The following GPC5 variants were observed in gnomAD, a reference collection of about 807,000 sequenced individuals.
The protein encoded by GPC5 is glypican-5.
GPC5 carries 47 observed loss-of-function variants against 53.9 expected under a neutral mutation model. The observed-to-expected ratio is 0.87, with a 90% CI of 0.69 to 1.11. GPC5 has a LOEUF of 1.11. GPC5 is among the 50% of genes most tolerant of loss of function. GPC5 has a pLI of 0.00. For missense variants in GPC5, 748 were observed against 713.1 expected, an observed-to-expected ratio of 1.05 and a Z score of -0.56; for synonymous variants, 286 against 263.3, an observed-to-expected ratio of 1.09 and a Z score of -0.84.
chr13:92,222,643 T>G (rs533472154), intron 7 of GPC5, among the ~76,000 whole-genome samples: 6 of 152,018 alleles, frequency 3.9e-5, no homozygotes, highest in Non-Finnish European at 8.8e-5. Context: ...TTCTTTGGGG[T>G]GTGTGTGTGG....
intron 7 of GPC5, among the ~76,000 whole-genome samples, chr13:92,478,137 T>C (rs1879221586): frequency 6.6e-6 from 1 of 152,202 alleles, no homozygotes; most frequent in African/African-American, 2.4e-5. Flanking sequence ...TTGTTCAGTA[T>C]TTTGATTTTT....
intron 6 of GPC5, among the ~76,000 whole-genome samples, chr13:92,072,569 ATTTT>A (rs34169387): frequency 3.6e-4 from 37 of 103,966 alleles, no homozygotes; most frequent in African/African-American, 9.3e-4. Flanking sequence ...TGGCCACTAA[ATTTT>A]TTTTTTTTTT....
At chr13:91,519,479 T>C (rs1481258850) in intron 2 of GPC5, among the ~76,000 whole-genome samples, 1 of 152,142 alleles carries the variant, frequency 6.6e-6, no homozygotes. Flanking sequence ...GAGTGAGTTC[T>C]CTTGAGATCC....
chr13:92,295,611 G>A (rs2043028982), intron 7 of GPC5, among the ~76,000 whole-genome samples: 1 of 152,112 alleles, frequency 6.6e-6, no homozygotes, highest in African/African-American at 2.4e-5. Context: ...AGATCTATTA[G>A]TAATTGTTTT....
At chr13:91,595,022 ATT>A (rs1470230870) in intron 2 of GPC5, among the ~76,000 whole-genome samples, 4 of 139,984 alleles carry the variant, frequency 2.9e-5, no homozygotes, top group Admixed American at 7.3e-5. Flanking sequence ...TTATTTATTT[ATT>A]TATTTATTTA....
At chr13:92,411,269 CA>C (rs1876031713) in intron 7 of GPC5, among the ~76,000 whole-genome samples, 1 of 151,626 alleles carries the variant, frequency 6.6e-6, no homozygotes, top group Non-Finnish European at 1.5e-5. Flanking sequence ...GACTCTATCT[CA>C]AAAAGATAAA....
chr13:92,234,614 T>C (rs2042556571), intron 7 of GPC5, among the ~76,000 whole-genome samples: 1 of 151,430 alleles, frequency 6.6e-6, no homozygotes, highest in Admixed American at 6.6e-5. Flanking sequence ...CTAGGAGATA[T>C]ATGGCGGTGG....
intron 6 of GPC5, among the ~76,000 whole-genome samples, chr13:92,021,336 A>G (rs1351318412): frequency 6.6e-6 from 1 of 152,232 alleles, no homozygotes; most frequent in African/African-American, 2.4e-5. Context: ...AGCATGGATG[A>G]GCCTAGAGGA....
intron 4 of GPC5, among the ~76,000 whole-genome samples, chr13:91,755,065 A>C (rs1335901881): frequency 6.6e-6 from 1 of 152,262 alleles, no homozygotes; most frequent in East Asian, 1.9e-4. Context: ...ACAAATAGTT[A>C]TTTAAAAACC....
chr13:92,171,720 T>A (rs2042071902), intron 7 of GPC5, among the ~76,000 whole-genome samples: 1 of 152,206 alleles, frequency 6.6e-6, no homozygotes, highest in Non-Finnish European at 1.5e-5. Context: ...CTCTGTATTT[T>A]TCCTGAGTGA....
At chr13:91,839,706 T>C (rs1040089546) in intron 5 of GPC5, among the ~76,000 whole-genome samples, 1 of 152,112 alleles carries the variant, frequency 6.6e-6, no homozygotes, top group African/African-American at 2.4e-5. Flanking sequence ...TCCTACTGTG[T>C]TGGCCTGGGG....
intron 2 of GPC5, among the ~76,000 whole-genome samples, chr13:91,628,432 A>G (rs2034066538): frequency 6.6e-6 from 1 of 152,140 alleles, no homozygotes; most frequent in East Asian, 1.9e-4. Flanking sequence ...GGTAGATCAT[A>G]CATATCATGT....
chr13:92,004,482 AT>A (rs2040587745), intron 6 of GPC5, among the ~76,000 whole-genome samples: 5 of 135,438 alleles, frequency 3.7e-5, no homozygotes, highest in African/African-American at 1.4e-4. Flanking sequence ...ATATATATAT[AT>A]ATATATAATT....
intron 7 of GPC5, among the ~76,000 whole-genome samples, chr13:92,684,360 T>A (rs1475503490): frequency 6.6e-6 from 1 of 152,096 alleles, no homozygotes; most frequent in African/African-American, 2.4e-5. Context: ...AACCTCCACC[T>A]CCTGGGCTCA....
chr13:91,494,580 T>A (rs1006457291), intron 2 of GPC5, among the ~76,000 whole-genome samples: 4 of 152,244 alleles, frequency 2.6e-5, no homozygotes, highest in East Asian at 3.9e-4. Context: ...TGCAACAGAC[T>A]TTCACCTGTG....
chr13:92,845,720 T>C (rs1878591217), intron 7 of GPC5, among the ~76,000 whole-genome samples: 1 of 152,162 alleles, frequency 6.6e-6, no homozygotes, highest in African/African-American at 2.4e-5. Flanking sequence ...ACACTATCTA[T>C]ACCGATTTAC....
At chr13:92,321,683 G>A (rs1223214445) in intron 7 of GPC5, among the ~76,000 whole-genome samples, 1 of 152,080 alleles carries the variant, frequency 6.6e-6, no homozygotes, top group African/African-American at 2.4e-5. Context: ...TTATTGATGG[G>A]AAAAACATCC....
At chr13:91,612,290 C>T (rs924534730) in intron 2 of GPC5, among the ~76,000 whole-genome samples, 17 of 152,192 alleles carry the variant, frequency 1.1e-4, no homozygotes, top group African/African-American at 4.1e-4. Flanking sequence ...ACTCTTCATA[C>T]ATTAATGCTA....
At chr13:92,603,535 G>A (rs1035180118) in intron 7 of GPC5, among the ~76,000 whole-genome samples, 1 of 152,168 alleles carries the variant, frequency 6.6e-6, no homozygotes, top group African/African-American at 2.4e-5. Flanking sequence ...TGATAGAAAT[G>A]TTTTAAGAGA....
Sources: gnomAD v4.1 joint callset for allele counts (sites outside exome capture counted in the v4.1 genomes callset) on GRCh38, gnomAD v4.1.1 for gene constraint, MANE v1.5 for transcripts, NCBI Gene and HGNC (gene_info 2026-07-23, HGNC 2026-07-21) for gene names.